Variants in FBXO34 observed in about 807,000 individuals in gnomAD.
FBXO34 encodes the protein F-box protein 34.
FBXO34 carries 12 observed loss-of-function variants against 24.5 expected under a neutral mutation model. That is an observed-to-expected ratio of 0.49 (90% confidence interval 0.31 to 0.79). FBXO34 has a LOEUF of 0.79. FBXO34 is among the 30% of genes least tolerant of loss of function. The pLI is 0.04. For missense variants in FBXO34, 823 were observed against 857.7 expected, an observed-to-expected ratio of 0.96 and a Z score of 0.51; for synonymous variants, 320 against 311.9, an observed-to-expected ratio of 1.03 and a Z score of -0.27.
chr14:55,388,150 A>C, the FBXO34 span, among the ~76,000 whole-genome samples: 1 of 152,128 alleles, frequency 6.6e-6, no homozygotes, highest in Non-Finnish European at 1.5e-5. Flanking sequence ...ACCAACAACA[A>C]CAACATCTCT....
At chr14:55,324,882 T>C (rs1883288691) in intron 1 of FBXO34, among the ~76,000 whole-genome samples, 1 of 152,232 alleles carries the variant, frequency 6.6e-6, no homozygotes, top group Non-Finnish European at 1.5e-5. Context: ...GTCTGGAGTC[T>C]GAGAAGTCTC....
intron 1 of FBXO34, among the ~76,000 whole-genome samples, chr14:55,347,939 GGAATGGGGTT>G (rs1194844957): frequency 1.3e-5 from 2 of 152,182 alleles, no homozygotes; most frequent in Non-Finnish European, 2.9e-5. Context: ...CTTTCATTTA[GGAATGGGGTT>G]GAACGGATAT....
At chr14:55,430,613 C>G in the FBXO34 span, among the ~76,000 whole-genome samples, 1 of 152,048 alleles carries the variant, frequency 6.6e-6, no homozygotes, top group African/African-American at 2.4e-5. Flanking sequence ...CCAGGCTGGG[C>G]TCAAACTCCA....
At chr14:55,374,274 A>G (rs976122370), downstream of FBXO34, among the ~76,000 whole-genome samples, 2 of 152,114 alleles carry the variant, frequency 1.3e-5, no homozygotes, top group Non-Finnish European at 2.9e-5. Flanking sequence ...TACAGTGGCT[A>G]TTCACAAAAG....
intron 1 of FBXO34, among the ~76,000 whole-genome samples, chr14:55,324,957 C>T (rs1883291327): frequency 1.3e-5 from 2 of 152,168 alleles, no homozygotes; most frequent in African/African-American, 2.4e-5. Flanking sequence ...AGATGATCAT[C>T]TCCGAAAGGA....
the FBXO34 span, among the ~76,000 whole-genome samples, chr14:55,404,019 A>G: frequency 1.1e-4 from 17 of 152,316 alleles, no homozygotes; most frequent in Admixed American, 9.1e-4. Context: ...GGAAATGGTC[A>G]CTGAGAGTTA....
At chr14:55,276,589 C>G (rs10142803) in intron 1 of FBXO34, among the ~76,000 whole-genome samples, 1 of 151,792 alleles carries the variant, frequency 6.6e-6, no homozygotes, top group South Asian at 2.1e-4. Flanking sequence ...AAAATTCTCT[C>G]GGCCCCGAGG....
chr14:55,435,086 A>G, the FBXO34 span, among the ~76,000 whole-genome samples: 1 of 152,218 alleles, frequency 6.6e-6, no homozygotes, highest in East Asian at 1.9e-4. Context: ...GACGAAAAAA[A>G]AAATCCCTGA....
At chr14:55,390,420 C>T in the FBXO34 span, among the ~76,000 whole-genome samples, 2 of 151,854 alleles carry the variant, frequency 1.3e-5, no homozygotes, top group African/African-American at 2.4e-5. Flanking sequence ...TGTGCCCAGG[C>T]TGGAGTGCAG....
chr14:55,279,765 G>A (rs1881471173), intron 1 of FBXO34, among the ~76,000 whole-genome samples: 1 of 152,092 alleles, frequency 6.6e-6, no homozygotes, highest in Non-Finnish European at 1.5e-5. Flanking sequence ...TCTGGAGCTG[G>A]GGGTCATTCC....
the FBXO34 span, chr14:55,428,975 C>T: frequency 6.2e-7 from 1 of 1,613,974 alleles, no homozygotes; most frequent in Middle Eastern, 1.6e-4. Context: ...CTGCTCTTCA[C>T]TGGGGAGGGG....
At chr14:55,340,526 T>C (rs886881924) in intron 1 of FBXO34, among the ~76,000 whole-genome samples, 5 of 151,990 alleles carry the variant, frequency 3.3e-5, no homozygotes, top group Non-Finnish European at 5.9e-5. Flanking sequence ...GGATTACACA[T>C]GTGAGCCACC....
the FBXO34 span, among the ~76,000 whole-genome samples, chr14:55,393,340 G>C: frequency 2.6e-5 from 4 of 151,718 alleles, no homozygotes; most frequent in Admixed American, 2.0e-4. Flanking sequence ...AGCCGAGATC[G>C]CGCCACTGCA....
intron 1 of FBXO34, among the ~76,000 whole-genome samples, chr14:55,293,728 T>C (rs145415187): frequency 2.2e-4 from 33 of 152,276 alleles, no homozygotes; most frequent in African/African-American, 7.7e-4. Context: ...ATAGAAAGTA[T>C]TGCCTGTCAT....
At chr14:55,323,647 C>T (rs1247714523) in intron 1 of FBXO34, among the ~76,000 whole-genome samples, 2 of 152,100 alleles carry the variant, frequency 1.3e-5, no homozygotes, top group African/African-American at 4.8e-5. Context: ...TTCCAAAGTG[C>T]TGGGATTAAA....
At chr14:55,325,520 G>T (rs1371119753) in intron 1 of FBXO34, among the ~76,000 whole-genome samples, 1 of 151,888 alleles carries the variant, frequency 6.6e-6, no homozygotes, top group Non-Finnish European at 1.5e-5. Context: ...TTGTTGCCCA[G>T]GCTGGAGTGC....
the FBXO34 span, chr14:55,382,081 TC>T: frequency 6.2e-7 from 1 of 1,614,144 alleles, no homozygotes; most frequent in Non-Finnish European, 8.5e-7. Flanking sequence ...GTTGTGATCG[TC>T]ACAGACCCAT....
At chr14:55,406,096 GAC>G in the FBXO34 span, among the ~76,000 whole-genome samples, 96 of 152,272 alleles carry the variant, frequency 6.3e-4, 1 homozygote, top group Middle Eastern at 6.8e-3. Flanking sequence ...CAAAAGTAAA[GAC>G]ACATGGTTCC....
chr14:55,299,569 C>T (rs1019373311), intron 1 of FBXO34, among the ~76,000 whole-genome samples: 3 of 152,032 alleles, frequency 2.0e-5, no homozygotes, highest in Non-Finnish European at 2.9e-5. Flanking sequence ...AAGATATTTT[C>T]CCCCCATAAC....
Sources: gnomAD v4.1 joint callset for allele counts (sites outside exome capture counted in the v4.1 genomes callset) on GRCh38, gnomAD v4.1.1 for gene constraint, MANE v1.5 for transcripts, NCBI Gene and HGNC (gene_info 2026-07-23, HGNC 2026-07-21) for gene names.